Variants in CNOT6L observed in about 807,000 individuals in gnomAD.
The protein encoded by CNOT6L is CCR4-NOT transcription complex subunit 6-like.
CNOT6L carries 7 observed loss-of-function variants against 64.0 expected under a neutral mutation model. The observed-to-expected ratio is 0.11, with a 90% CI of 0.06 to 0.21. The LOEUF (loss-of-function observed/expected upper bound fraction) is 0.21. Ranked by LOEUF, CNOT6L falls within the 10% of genes least tolerant of loss-of-function variation. The pLI is 1.00. For synonymous variants in CNOT6L, 193 were observed against 243.4 expected, an observed-to-expected ratio of 0.79 and a Z score of 1.93; for missense variants, 245 against 669.0, an observed-to-expected ratio of 0.37 and a Z score of 6.99.
chr4:77,773,631 T>C (rs973286155), intron 3 of CNOT6L, among the ~76,000 whole-genome samples: 1 of 152,084 alleles, frequency 6.6e-6, no homozygotes, highest in Non-Finnish European at 1.5e-5. Flanking sequence ...AGTAACTGAA[T>C]ACTACTCTAA....
At chr4:77,746,728 G>C (rs927816190) in intron 6 of CNOT6L, among the ~76,000 whole-genome samples, 2 of 152,152 alleles carry the variant, frequency 1.3e-5, no homozygotes, top group African/African-American at 2.4e-5. Context: ...TTTAACATCA[G>C]AAGGGAATAA....
At chr4:77,736,611 A>G (rs1465165007) in intron 8 of CNOT6L, among the ~76,000 whole-genome samples, 1 of 152,130 alleles carries the variant, frequency 6.6e-6, no homozygotes, top group Non-Finnish European at 1.5e-5. Flanking sequence ...CTATTATTAG[A>G]TGTTTCTTCT....
In CNOT6L at chr4:77,721,762, G is replaced by A. The variant is rs1721301998; in HGVS notation, c.1456-1119C>T. 3.9e-5 allele frequency among the ~76,000 whole-genome samples: 6 copies of A among 152,026 alleles called. No individual in the cohort carries two copies. The South Asian group carries it at 1.2e-3, about 32-fold the overall frequency. On this transcript the variant is annotated intron_variant, in intron 11 of 11. Transcript: ENST00000504123. ...GGGGCAAGAGGATGGCTTAAGTCCA[G>A]GAGTTCAAGACCAGCCTGGTAAACA...
chr4:77,761,829 CTG>C (rs1403137656), intron 4 of CNOT6L, among the ~76,000 whole-genome samples: 1 of 152,066 alleles, frequency 6.6e-6, no homozygotes, highest in Non-Finnish European at 1.5e-5. Flanking sequence ...AGAAATGAAA[CTG>C]TGTTCACAGA....
chr4:77,728,362 C>G (rs975146272), intron 10 of CNOT6L, among the ~76,000 whole-genome samples: 1 of 152,218 alleles, frequency 6.6e-6, no homozygotes, highest in Middle Eastern at 3.2e-3. Context: ...AATCCCTCCC[C>G]GCTCTAGCTT....
intron 1 of CNOT6L, among the ~76,000 whole-genome samples, chr4:77,783,107 C>A (rs1169221567): frequency 1.7e-5 from 2 of 119,882 alleles, no homozygotes; most frequent in African/African-American, 6.3e-5. Context: ...TTAAAAAAGA[C>A]TTAATTCCAA....
intron 1 of CNOT6L, among the ~76,000 whole-genome samples, chr4:77,800,012 T>A (rs927759347): frequency 1.6e-4 from 24 of 151,986 alleles, no homozygotes; most frequent in Non-Finnish European, 3.1e-4. Context: ...AAATTTAATA[T>A]CTGTTTATAT....
chr4:77,741,002 C>T (rs1723519650), intron 8 of CNOT6L, among the ~76,000 whole-genome samples: 1 of 152,084 alleles, frequency 6.6e-6, no homozygotes, highest in Non-Finnish European at 1.5e-5. Flanking sequence ...TCATGATGTT[C>T]CCACAACAAC....
At chr4:77,809,865 T>C (rs192945142) in intron 1 of CNOT6L, among the ~76,000 whole-genome samples, 101 of 152,188 alleles carry the variant, frequency 6.6e-4, no homozygotes, top group African/African-American at 2.4e-3. Flanking sequence ...ATAAGGAACA[T>C]AAAGTGTTTT....
chr4:77,776,950 G>C (rs1396693623), intron 1 of CNOT6L, among the ~76,000 whole-genome samples: 7 of 152,122 alleles, frequency 4.6e-5, no homozygotes, highest in Non-Finnish European at 8.8e-5. Context: ...TGGCAGCCAC[G>C]CAACAACGAT....
At chr4:77,757,608 AT>A (rs1274127757) in intron 4 of CNOT6L, among the ~76,000 whole-genome samples, 1 of 152,186 alleles carries the variant, frequency 6.6e-6, no homozygotes, top group Non-Finnish European at 1.5e-5. Flanking sequence ...TAGCATCCAA[AT>A]TTGAAAAAAT....
At chr4:77,747,467 C>CA (rs1274988219) in intron 6 of CNOT6L, among the ~76,000 whole-genome samples, 2 of 152,088 alleles carry the variant, frequency 1.3e-5, no homozygotes, top group Non-Finnish European at 2.9e-5. Flanking sequence ...AGTGCCCAGC[C>CA]AAAATCTATT....
intron 1 of CNOT6L, among the ~76,000 whole-genome samples, chr4:77,799,677 C>A (rs1731282852): frequency 7.7e-6 from 1 of 130,582 alleles, no homozygotes; most frequent in Admixed American, 9.2e-5. Flanking sequence ...GCACTCCAGC[C>A]TAGGTGAGGG....
chr4:77,767,207 A>C (rs558286267), intron 4 of CNOT6L, among the ~76,000 whole-genome samples: 9 of 152,192 alleles, frequency 5.9e-5, no homozygotes, highest in African/African-American at 1.9e-4. Context: ...GAAGACATTA[A>C]ATAAATGGAC....
chr4:77,783,806 C>T lies in CNOT6L; in HGVS notation c.6-7414G>A, dbSNP rs72864995. Among the ~76,000 whole-genome samples the T allele has an allele frequency of 1.8e-3, 268 of 151,780 alleles. 2 individuals are homozygous for T. Among genetic ancestry groups the T allele is most frequent in the African/African-American group, 5.4e-3 (223 of 41,426 alleles). On this transcript the variant is annotated intron_variant, in intron 1 of 11. Coordinates refer to ENST00000504123, the MANE Select transcript of CNOT6L (RefSeq NM_144571.3). ...GCTAGCAAACCAAATAATTAGATAA[C>T]CCAAGGAACAAGGAAATACTTGGAT...
In CNOT6L at chr4:77,719,267, A is replaced by T. The variant is rs1302659142; in HGVS notation, c.*1164T>A. 1.3e-5 allele frequency: 2 copies of T among 152,618 alleles called. No individual in the cohort carries two copies. The highest frequency in any genetic ancestry group is 2.4e-5 in the African/African-American group (1 of 41,450). The allele number at this position is 152,618 out of a possible 1,614,324, so 9.5% of individuals were successfully genotyped here. On this transcript the variant is annotated 3_prime_UTR_variant, in exon 12 of 12. Coordinates refer to ENST00000504123, the MANE Select transcript of CNOT6L (RefSeq NM_144571.3). ...AATAAACCAGTAGCTTCTTAATTCAACCCTGACAGACAACTGAAACAAAGA... is the reference window on the plus strand; with the variant it reads ...AATAAACCAGTAGCTTCTTAATTCATCCCTGACAGACAACTGAAACAAAGA...
At chr4:77,809,219 C>A (rs1732624654) in intron 1 of CNOT6L, among the ~76,000 whole-genome samples, 2 of 152,120 alleles carry the variant, frequency 1.3e-5, no homozygotes, top group Non-Finnish European at 2.9e-5. Flanking sequence ...GAGAATCATA[C>A]TGCCTCTCTC....
chr4:77,746,456 C>A (rs1167926851), intron 6 of CNOT6L, among the ~76,000 whole-genome samples: 1 of 152,104 alleles, frequency 6.6e-6, no homozygotes, highest in East Asian at 1.9e-4. Context: ...AAGTAAAATG[C>A]ATTTTTAACA....
chr4:77,788,759 T>C (rs947269682), intron 1 of CNOT6L, among the ~76,000 whole-genome samples: 1 of 151,138 alleles, frequency 6.6e-6, no homozygotes, highest in Non-Finnish European at 1.5e-5. Context: ...AATAATAATA[T>C]GCAATTGATG....
Sources: gnomAD v4.1 joint callset for allele counts (sites outside exome capture counted in the v4.1 genomes callset) on GRCh38, gnomAD v4.1.1 for gene constraint, MANE v1.5 for transcripts, NCBI Gene and HGNC (gene_info 2026-07-23, HGNC 2026-07-21) for gene names.